Variants in ARHGAP20 observed in about 807,000 individuals in gnomAD.
The protein encoded by ARHGAP20 is rho GTPase-activating protein 20.
A neutral mutation model predicts 73.7 loss-of-function variants in ARHGAP20; 34 were observed. That is an observed-to-expected ratio of 0.46 (90% CI 0.35 to 0.61). The LOEUF is 0.61. ARHGAP20 is among the 20% of genes least tolerant of loss of function. The probability of loss-of-function intolerance (pLI) is 0.00; values close to 1 mark genes in which losing one functional copy is unlikely to be tolerated. For synonymous variants in ARHGAP20, 523 were observed against 518.2 expected (o/e 1.01, Z -0.13); for missense variants, 1,314 against 1,420.9 (o/e 0.92, Z 1.21).
intron 9 of ARHGAP20, among the ~76,000 whole-genome samples, chr11:110,595,606 CAGG>C (rs1947937692): frequency 6.6e-6 from 1 of 152,062 alleles, no homozygotes. Context: ...GGACCTCTTC[CAGG>C]AGAACTACAA....
chr11:110,688,999 G>GCTTTT (rs1555103221), intron 2 of ARHGAP20, among the ~76,000 whole-genome samples: 1 of 137,604 alleles, frequency 7.3e-6, no homozygotes, highest in Non-Finnish European at 1.6e-5. Flanking sequence ...CTTTCATATA[G>GCTTTT]TTTTTTTTTT....
intron 2 of ARHGAP20, among the ~76,000 whole-genome samples, chr11:110,660,211 C>T (rs1315949319): frequency 6.6e-6 from 1 of 152,050 alleles, no homozygotes; most frequent in East Asian, 1.9e-4. Context: ...GCCCTAAAAT[C>T]GGCGTTTCTA....
chr11:110,656,616 G>T (rs1482273929), intron 2 of ARHGAP20, among the ~76,000 whole-genome samples: 1 of 152,114 alleles, frequency 6.6e-6, no homozygotes, highest in African/African-American at 2.4e-5. Context: ...CTAGGCCCTG[G>T]GGATGAGAGG....
At chr11:110,666,995 T>C (rs537886402) in intron 2 of ARHGAP20, among the ~76,000 whole-genome samples, 1 of 152,312 alleles carries the variant, frequency 6.6e-6, no homozygotes, top group African/African-American at 2.4e-5. Flanking sequence ...AGAAGAAAAG[T>C]CTGAAGCTAG....
chr11:110,641,474 G>C (rs1382895906), intron 2 of ARHGAP20, among the ~76,000 whole-genome samples: 1 of 151,996 alleles, frequency 6.6e-6, no homozygotes, highest in Non-Finnish European at 1.5e-5. Context: ...TGTCTCTAAA[G>C]ACTTTAAAAG....
chr11:110,702,126 A>G (rs1234794824), intron 1 of ARHGAP20, among the ~76,000 whole-genome samples: 1 of 152,114 alleles, frequency 6.6e-6, no homozygotes, highest in African/African-American at 2.4e-5. Flanking sequence ...CACTGATGCA[A>G]AAATCCTCAA....
At position 110,580,399 on chromosome 11, in the gene ARHGAP20, G is replaced by T. The variant is rs1000348645; in HGVS notation, c.2547C>A (p.Asn849Lys). The change falls in exon 15 of 15, where the codon AAC becomes AAA. Residue 849 changes from asparagine (N) to lysine (K), a missense_variant. Asn to Lys is a moderately conservative substitution (Grantham distance 94). Transcript: ENST00000683387. ...PRTHRRCSEP[N>K]IEDQNRKLTY... ...TCAGCTTGCGGTTCTGGTCTTCTAT[G>T]TTGGGCTCTGAGCAGCGCCGATGTG... 1 of 1,614,248 alleles carries T rather than the reference G, an allele frequency of 6.2e-7. No individual in the cohort carries two copies. Among genetic ancestry groups the T allele is most frequent in the South Asian group, 1.1e-5 (1 of 91,088 alleles).
intron 2 of ARHGAP20, among the ~76,000 whole-genome samples, chr11:110,661,986 AACC>A (rs1949623401): frequency 6.6e-6 from 1 of 152,042 alleles, no homozygotes; most frequent in African/African-American, 2.4e-5. Flanking sequence ...TGGCCGAATA[AACC>A]ATGGCATACG....
intron 8 of ARHGAP20, among the ~76,000 whole-genome samples, chr11:110,607,085 TTTGACA>T (rs1446291137): frequency 6.6e-6 from 1 of 152,212 alleles, no homozygotes; most frequent in Admixed American, 6.5e-5. Context: ...TATTGTCTCC[TTTGACA>T]TTAACTAGAT....
At chr11:110,712,074 G>A (rs972782069) in intron 1 of ARHGAP20, 53 bp downstream of exon 1, 2 of 1,253,592 alleles carry the variant, frequency 1.6e-6, no homozygotes, top group Non-Finnish European at 2.0e-6. Context: ...GGCGCGCGCC[G>A]GCAGTGGGGG....
intron 4 of ARHGAP20, among the ~76,000 whole-genome samples, chr11:110,621,889 C>T (rs1320466118): frequency 6.6e-6 from 1 of 152,158 alleles, no homozygotes; most frequent in Non-Finnish European, 1.5e-5. Flanking sequence ...TTTGTTTTAG[C>T]ATAAAACTAA....
chr11:110,643,826 T>C (rs1018637041), intron 2 of ARHGAP20, among the ~76,000 whole-genome samples: 3 of 152,130 alleles, frequency 2.0e-5, no homozygotes, highest in African/African-American at 7.2e-5. Context: ...TGTGCCTCAA[T>C]GATCTAACAC....
chr11:110,670,923 A>C (rs886473270), intron 2 of ARHGAP20, among the ~76,000 whole-genome samples: 7 of 152,084 alleles, frequency 4.6e-5, no homozygotes, highest in African/African-American at 7.2e-5. Flanking sequence ...AGAAAAACTA[A>C]GAAAACATGA....
chr11:110,586,580 C>G lies in ARHGAP20; in HGVS notation c.1306-255G>C, dbSNP rs995346821. ...TAAAGGACAACTCATTTGGCTGAAA[C>G]TTACTGTTTGCATATATTTTAGTGA... On this transcript the variant is annotated intron_variant, in intron 11 of 14. Transcript: ENST00000683387. 4.1e-4 allele frequency among the ~76,000 whole-genome samples: 62 copies of G among 152,136 alleles called. 1 individual carries two copies. Among genetic ancestry groups the G allele is most frequent in the Non-Finnish European group, 7.4e-5 (5 of 68,000 alleles).
chr11:110,595,146 AAAT>A (rs1947924150), intron 9 of ARHGAP20, among the ~76,000 whole-genome samples: 3 of 151,774 alleles, frequency 2.0e-5, no homozygotes, highest in Admixed American at 2.0e-4. Context: ...ACGTATCTCA[AAAT>A]AATAAGAGCT....
At chr11:110,670,763 T>TA (rs1949811963) in intron 2 of ARHGAP20, among the ~76,000 whole-genome samples, 1 of 151,962 alleles carries the variant, frequency 6.6e-6, no homozygotes, top group African/African-American at 2.4e-5. Context: ...CTCATGAACA[T>TA]AGACTGAAAA....
intron 3 of ARHGAP20, among the ~76,000 whole-genome samples, chr11:110,628,274 T>A (rs1948787967): frequency 6.6e-6 from 1 of 152,188 alleles, no homozygotes; most frequent in African/African-American, 2.4e-5. Context: ...TAATTTCAGA[T>A]TATTTCAACA....
chr11:110,648,288 CAA>C (rs1949269517), intron 2 of ARHGAP20, among the ~76,000 whole-genome samples: 1 of 137,892 alleles, frequency 7.3e-6, no homozygotes, highest in African/African-American at 2.7e-5. Flanking sequence ...TGCATATAGA[CAA>C]AGTCCTCAAA....
intron 8 of ARHGAP20, 34 bp downstream of exon 8, chr11:110,608,950 A>C (rs752350277): frequency 9.6e-6 from 15 of 1,568,100 alleles, no homozygotes; most frequent in Non-Finnish European, 1.2e-5. Context: ...TTAAAACACA[A>C]TCAATGCTAT....
Sources: gnomAD v4.1 joint callset for allele counts (sites outside exome capture counted in the v4.1 genomes callset) on GRCh38, gnomAD v4.1.1 for gene constraint, MANE v1.5 for transcripts, NCBI Gene and HGNC (gene_info 2026-07-23, HGNC 2026-07-21) for gene names.